The following KAZN variants were observed in gnomAD, a reference collection of about 807,000 sequenced individuals.
KAZN encodes kazrin, periplakin interacting protein, also known as kazrin.
Under a neutral mutation model 87.4 loss-of-function variants are expected in KAZN, and 40 were observed. The ratio of observed to expected loss-of-function variants is 0.46; its 90% CI spans 0.36 to 0.60. The LOEUF (loss-of-function observed/expected upper bound fraction) is 0.60. KAZN is among the 20% of genes least tolerant of loss of function. The pLI is 0.00. For synonymous variants in KAZN, 466 were observed against 458.3 expected, an observed-to-expected ratio of 1.02 and a Z score of -0.22; for missense variants, 898 against 1,073.9, an observed-to-expected ratio of 0.84 and a Z score of 2.29.
intron 2 of KAZN, among the ~76,000 whole-genome samples, chr1:14,336,508 T>A (rs1366607507): frequency 6.6e-6 from 1 of 152,236 alleles, no homozygotes; most frequent in Non-Finnish European, 1.5e-5. Flanking sequence ...ATGCTAATTC[T>A]ATGGTCAACT....
intron 1 of KAZN, among the ~76,000 whole-genome samples, chr1:14,644,237 C>T (rs924197903): frequency 3.3e-5 from 5 of 151,794 alleles, no homozygotes; most frequent in Non-Finnish European, 7.4e-5. Flanking sequence ...GTCTTGAACT[C>T]CTGACCTGAG....
intron 1 of KAZN, among the ~76,000 whole-genome samples, chr1:14,876,600 A>G (rs1200857533): frequency 6.6e-6 from 1 of 152,162 alleles, no homozygotes; most frequent in Non-Finnish European, 1.5e-5. Context: ...GCCCCTTACC[A>G]GCTCTGTGAC....
At chr1:14,248,556 T>C (rs1440739486) in intron 2 of KAZN, among the ~76,000 whole-genome samples, 1 of 152,026 alleles carries the variant, frequency 6.6e-6, no homozygotes, top group East Asian at 1.9e-4. Context: ...CTCATGGAGG[T>C]GGAACTGCTA....
intron 1 of KAZN, among the ~76,000 whole-genome samples, chr1:14,118,912 A>T (rs1270271142): frequency 1.4e-4 from 21 of 152,188 alleles, no homozygotes. Context: ...AATGCGACAG[A>T]TTGGTTTCCT....
intron 1 of KAZN, among the ~76,000 whole-genome samples, chr1:14,947,595 A>G (rs1263985031): frequency 6.6e-6 from 1 of 152,254 alleles, no homozygotes; most frequent in East Asian, 1.9e-4. Flanking sequence ...GAGCCTATCC[A>G]GTGGTTAGGA....
At chr1:14,105,190 G>A (rs535955809) in intron 1 of KAZN, among the ~76,000 whole-genome samples, 2 of 152,166 alleles carry the variant, frequency 1.3e-5, no homozygotes, top group Non-Finnish European at 2.9e-5. Flanking sequence ...TCAAATAGTC[G>A]CATGAATAAG....
At chr1:14,755,080 A>C in intron 1 of KAZN, among the ~76,000 whole-genome samples, 1 of 116,894 alleles carries the variant, frequency 8.6e-6, no homozygotes, top group African/African-American at 3.8e-5. Context: ...CATCTCTACT[A>C]AAAATGCAAA....
At chr1:14,669,866 T>C (rs1476516292) in intron 1 of KAZN, among the ~76,000 whole-genome samples, 1 of 151,764 alleles carries the variant, frequency 6.6e-6, no homozygotes, top group Non-Finnish European at 1.5e-5. Context: ...AATAGTTCAG[T>C]GCAATGAGAA....
chr1:14,846,064 CTG>C (rs1432399055), intron 1 of KAZN, among the ~76,000 whole-genome samples: 1 of 152,160 alleles, frequency 6.6e-6, no homozygotes, highest in Non-Finnish European at 1.5e-5. Flanking sequence ...AGCATGGACT[CTG>C]TGCCAAGACA....
At chr1:14,097,728 C>A (rs1418224227) in intron 1 of KAZN, among the ~76,000 whole-genome samples, 2 of 152,132 alleles carry the variant, frequency 1.3e-5, no homozygotes, top group African/African-American at 4.8e-5. Flanking sequence ...CTCTCATATT[C>A]ATTTAGTTAG....
chr1:14,921,776 A>G (rs2690030), intron 1 of KAZN, among the ~76,000 whole-genome samples: 82,456 of 152,184 alleles, frequency 0.54, 25,289 homozygotes, highest in Non-Finnish European at 0.67. Context: ...TGCTGGCACA[A>G]TCTCGGCTAT....
intron 1 of KAZN, among the ~76,000 whole-genome samples, chr1:14,688,156 C>G (rs181085503): frequency 6.6e-6 from 1 of 152,336 alleles, no homozygotes; most frequent in East Asian, 1.9e-4. Flanking sequence ...TCATACCCAG[C>G]CTCTGGGCAC....
rs1349453884 is a variant in KAZN, at chr1:14,949,164, T to C, written c.227-11520T>C. Among the ~76,000 whole-genome samples, 2 of 139,454 alleles carry C rather than the reference T, an allele frequency of 1.4e-5. No individual in the cohort carries two copies. The highest frequency in any genetic ancestry group is 3.1e-5 in the Non-Finnish European group (2 of 63,616). The allele number at this position is 139,454 out of a possible 152,430, so 91.5% of individuals were successfully genotyped here. A position where few individuals can be genotyped will look rare whatever the true frequency, so the allele number is the denominator to read the frequency against. The stretch of plus-strand genomic sequence containing the variant: ...TGAGACTCCGACTCAAAAATAATAA[T>C]AATAATAATAATAATAATAATAATA... On this transcript the variant is annotated intron_variant, in intron 1 of 14. Transcript: ENST00000376030. This position sits in a 1 kb window ranked among gnomAD's most constrained non-coding sequence, Gnocchi z 4.3.
intron 1 of KAZN, among the ~76,000 whole-genome samples, chr1:14,023,864 T>A (rs916418879): frequency 6.6e-6 from 1 of 152,184 alleles, no homozygotes; most frequent in Non-Finnish European, 1.5e-5. Context: ...TGAAGAACTC[T>A]GACCAAAGTC....
intron 1 of KAZN, among the ~76,000 whole-genome samples, chr1:14,054,841 T>C (rs1299701191): frequency 6.6e-6 from 1 of 152,196 alleles, no homozygotes; most frequent in Non-Finnish European, 1.5e-5. Flanking sequence ...GAGAAGCACA[T>C]AAGCTAGTGT....
At chr1:14,585,582 G>A (rs934000555) in intron 2 of KAZN, among the ~76,000 whole-genome samples, 33 of 152,122 alleles carry the variant, frequency 2.2e-4, no homozygotes, top group Non-Finnish European at 2.5e-4. Flanking sequence ...AAGCCCACTA[G>A]CAATCCAGGG....
intron 2 of KAZN, among the ~76,000 whole-genome samples, chr1:14,437,566 G>A (rs552866885): frequency 6.6e-6 from 1 of 152,262 alleles, no homozygotes; most frequent in East Asian, 1.9e-4. Flanking sequence ...GGATCAATTT[G>A]CTGTACTTTT....
intron 2 of KAZN, among the ~76,000 whole-genome samples, chr1:14,204,392 C>G (rs1347827929): frequency 6.6e-6 from 1 of 152,188 alleles, no homozygotes; most frequent in African/African-American, 2.4e-5. Flanking sequence ...TGCAGACAAC[C>G]TTTTCTTCAA....
chr1:14,823,395 A>G (rs2100836390), intron 1 of KAZN, among the ~76,000 whole-genome samples: 1 of 152,232 alleles, frequency 6.6e-6, no homozygotes, highest in Non-Finnish European at 1.5e-5. Context: ...TCTCCTGCAC[A>G]GCCTTGGAGA....
Sources: allele counts gnomAD v4.1 joint callset (sites outside exome capture counted in the v4.1 genomes callset), GRCh38; gene constraint gnomAD v4.1.1; non-coding constraint Gnocchi (gnomAD v3.1); transcripts MANE v1.5; gene names NCBI Gene and HGNC (gene_info 2026-07-23, HGNC 2026-07-21).